Variants in TMEM62 observed in about 807,000 individuals in gnomAD.
The protein encoded by TMEM62 is transmembrane protein 62.
TMEM62 carries 41 observed loss-of-function variants against 70.4 expected under a neutral mutation model. That is an observed-to-expected ratio of 0.58 (90% CI 0.45 to 0.76). The LOEUF is 0.76. Ranked by LOEUF, TMEM62 falls within the 30% of genes least tolerant of loss-of-function variation. The pLI is 0.00. For synonymous variants in TMEM62, 268 were observed against 291.0 expected (o/e 0.92, Z 0.80); for missense variants, 688 against 788.5 (o/e 0.87, Z 1.53).
At chr15:43,143,954 C>G (rs1413142389) in intron 4 of TMEM62, among the ~76,000 whole-genome samples, 1 of 152,174 alleles carries the variant, frequency 6.6e-6, no homozygotes, top group Non-Finnish European at 1.5e-5. Flanking sequence ...TGGCTTTTGC[C>G]TTCAAGGAAC....
chr15:43,173,083 C>G (rs886149775), intron 11 of TMEM62, among the ~76,000 whole-genome samples: 1 of 152,100 alleles, frequency 6.6e-6, no homozygotes, highest in Non-Finnish European at 1.5e-5. Flanking sequence ...CAAAAAATAG[C>G]CGGGTGTGGT....
intron 11 of TMEM62, among the ~76,000 whole-genome samples, chr15:43,172,379 T>TTC (rs1328491355): frequency 4.6e-5 from 7 of 152,256 alleles, no homozygotes; most frequent in Non-Finnish European, 8.8e-5. Context: ...TGTCAAGGTA[T>TTC]CTTTCTGTTA....
At chr15:43,178,529 G>T in intron 11 of TMEM62, 78 bp from the exon 12 acceptor site, 1 of 888,366 alleles carries the variant, frequency 1.1e-6, no homozygotes, top group Non-Finnish European at 1.8e-6. Flanking sequence ...GATAGCCCAT[G>T]AAAATCTTCT....
chr15:43,135,361 C>T (rs2035062376), intron 2 of TMEM62, 151 bp from the exon 3 acceptor site: 2 of 699,658 alleles, frequency 2.9e-6, no homozygotes, highest in Middle Eastern at 3.9e-4. Context: ...TTAGATGGCT[C>T]GATTTGGACA....
At chr15:43,151,606 A>G (rs2037404048) in intron 7 of TMEM62, among the ~76,000 whole-genome samples, 184 bp from the exon 8 acceptor site, 1 of 152,218 alleles carries the variant, frequency 6.6e-6, no homozygotes, top group African/African-American at 2.4e-5. Context: ...CAGTTATGTG[A>G]CAAATGTGAA....
rs543802698 is a variant in TMEM62 at position 43,152,384 on chromosome 15, A to ATTTGT, written c.1022+459_1022+463dup. Among the ~76,000 whole-genome samples the ATTTGT allele has an allele frequency of 1.3e-3, 199 of 152,062 alleles. 1 individual carries two copies. Among genetic ancestry groups the ATTTGT allele is most frequent in the Middle Eastern group, 6.8e-3 (2 of 294 alleles). On this transcript the variant is annotated intron_variant, in intron 8 of 13. Transcript: ENST00000260403. ...AATTGAAAATTCAGTTGGCAAATGA[A>ATTTGT]TTTGTTTTGTTTTGTTTTGTTTTGA...
chr15:43,175,280 C>T (rs2040604233), intron 11 of TMEM62, among the ~76,000 whole-genome samples: 5 of 152,160 alleles, frequency 3.3e-5, no homozygotes, highest in Admixed American at 3.3e-4. Context: ...CATTATCAGG[C>T]TTTGCATAAA....
chr15:43,157,728 A>ATAAGGACTGTTTT (rs1555459800), intron 9 of TMEM62, among the ~76,000 whole-genome samples: 1 of 152,160 alleles, frequency 6.6e-6, no homozygotes, highest in African/African-American at 2.4e-5. Context: ...TCAGTAAAAT[A>ATAAGGACTGTTTT]TAAGGACTGT....
intron 10 of TMEM62, among the ~76,000 whole-genome samples, chr15:43,161,937 C>G (rs1322752030): frequency 2.0e-5 from 3 of 152,046 alleles, no homozygotes. Flanking sequence ...GCTGGGATTA[C>G]AGGCATGAGC....
At chr15:43,167,625 T>G (rs1031090596) in intron 10 of TMEM62, among the ~76,000 whole-genome samples, 1 of 150,248 alleles carries the variant, frequency 6.7e-6, no homozygotes, top group Admixed American at 6.6e-5. Context: ...GCAGAGACGC[T>G]CCTCACTTTC....
chr15:43,134,432 C>A lies in TMEM62; in HGVS notation c.292+64C>A. The A allele has an allele frequency of 5.2e-6, 7 of 1,346,674 alleles. No individual in the cohort carries two copies. In the South Asian group the frequency reaches 5.9e-5, roughly 11 times the overall value. 83.4% of individuals were successfully genotyped at this position (1,346,674 alleles called of 1,614,324 possible). A position where few individuals can be genotyped will look rare whatever the true frequency, so the allele number is the denominator to read the frequency against. Reference sequence around the variant, plus strand: ...CCGCATGGTAGAACTCTAGCCAGGGCTGTGGCTTTTCATTTTGGGGACGTT... The same window carrying A: ...CCGCATGGTAGAACTCTAGCCAGGGATGTGGCTTTTCATTTTGGGGACGTT... On this transcript the variant is annotated intron_variant, in intron 2 of 13. Transcript: ENST00000260403.
intron 4 of TMEM62, among the ~76,000 whole-genome samples, chr15:43,140,839 A>C (rs768454822): frequency 6.6e-6 from 1 of 152,206 alleles, no homozygotes; most frequent in Non-Finnish European, 1.5e-5. Flanking sequence ...CATTGATGGC[A>C]TCCAAACCCG....
rs768492174 is a variant in TMEM62 at position 43,151,883 on chromosome 15, A to T, written c.960A>T (p.Ser320=). 1.5e-5 allele frequency: 25 copies of T among 1,613,460 alleles called. No individual in the cohort carries two copies. Among genetic ancestry groups the T allele is most frequent in the Non-Finnish European group, 2.0e-5 (24 of 1,179,732 alleles). The change falls in exon 8 of 14, where the codon TCA becomes TCT. Residue 320 remains serine (S), a synonymous_variant. Transcript: ENST00000260403. ...TGGTTCTTATCACCAATCCTAAATC[A>T]CTCCTTTATAGTTGTGGTGAACATG... ...WPVVLITNPK[S]LLYSCGEHEP... is the part of the protein sequence containing the mutation.
At chr15:43,153,191 C>G (rs1567200101) in intron 8 of TMEM62, among the ~76,000 whole-genome samples, 2 of 152,006 alleles carry the variant, frequency 1.3e-5, no homozygotes, top group South Asian at 2.1e-4. Context: ...TCTTTTATGA[C>G]TGTTGATAAA....
In TMEM62 at chr15:43,134,284, C is replaced by T. The variant is rs550048163; in HGVS notation, c.208C>T (p.Arg70Ter). 13 of 1,614,198 alleles carry T rather than the reference C, an allele frequency of 8.1e-6. No homozygotes were observed. Among genetic ancestry groups the T allele is most frequent in the Middle Eastern group, 1.6e-4 (1 of 6,062 alleles). The change falls in exon 2 of 14, where the codon CGA becomes TGA. Residue 70 changes from arginine to a stop codon, truncating the protein, a stop_gained. Coordinates refer to ENST00000260403, the MANE Select transcript of TMEM62 (RefSeq NM_024956.4). LOFTEE classifies it high-confidence loss of function. ...ATCCGACATTCACCTGAGCAGGTTT[C>T]GAGATCCAGGCAGAGCGGTAGACTT... ...QISDIHLSRFRDPGRAVDLEK... is the reference protein window; with the variant it reads ...QISDIHLSRF
In TMEM62 at chr15:43,133,984, T is replaced by C. The variant is rs1210781860; in HGVS notation, c.180+2T>C. Reference sequence around the variant, plus strand: ...AGCAACATCTTCTGGGGCCTGCAGGTGACGCGGCGGGAAGCCGGGCCGGGA... The same window carrying C: ...AGCAACATCTTCTGGGGCCTGCAGGCGACGCGGCGGGAAGCCGGGCCGGGA... On this transcript the variant is annotated splice_donor_variant, in intron 1 of 13. Transcript: ENST00000260403. LOFTEE classifies it high-confidence loss of function. The C allele has an allele frequency of 3.5e-6, 5 of 1,441,892 alleles. No homozygotes were observed. The highest frequency in any genetic ancestry group is 4.5e-6 in the Non-Finnish European group (5 of 1,103,330). The allele number at this position is 1,441,892 out of a possible 1,614,324, so 89.3% of individuals were successfully genotyped here.
Position 43,151,913 on chromosome 15 carries a change from A to G in TMEM62, c.990A>G (p.Pro330=), listed in dbSNP as rs1448897321. 6.2e-7 allele frequency: 1 copy of G among 1,612,882 alleles called. No individual in the cohort carries two copies. The highest frequency in any genetic ancestry group is 8.5e-7 in the Non-Finnish European group (1 of 1,179,546). The part of the protein sequence containing the change: ...SLLYSCGEHE[P]LERLLHSTHI... ...TTTATAGTTGTGGTGAACATGAACC[A>G]CTAGAAAGACTTCTTCACTCAACAC... Residue 330 remains proline (P), a synonymous_variant, in exon 8 of 14, where the codon CCA becomes CCG. Transcript: ENST00000260403.
chr15:43,137,983 G>C (rs1046466240), intron 3 of TMEM62, among the ~76,000 whole-genome samples: 3 of 152,174 alleles, frequency 2.0e-5, no homozygotes, highest in African/African-American at 7.2e-5. Flanking sequence ...CTCCAGCCCT[G>C]GCCCCTATCC....
At chr15:43,176,461 C>T (rs933166613) in intron 11 of TMEM62, among the ~76,000 whole-genome samples, 13 of 152,168 alleles carry the variant, frequency 8.5e-5, no homozygotes, top group Non-Finnish European at 1.5e-4. Context: ...ACATCTCACA[C>T]GGCCGGGTAC....
Sources: allele counts gnomAD v4.1 joint callset (sites outside exome capture counted in the v4.1 genomes callset), GRCh38; gene constraint gnomAD v4.1.1; transcripts MANE v1.5; gene names NCBI Gene and HGNC (gene_info 2026-07-23, HGNC 2026-07-21).